The following PDE1C variants were observed in gnomAD, a reference collection of about 807,000 sequenced individuals.
PDE1C encodes phosphodiesterase 1C, also known as dual specificity calcium/calmodulin-dependent 3',5'-cyclic nucleotide phosphodiesterase 1C.
In PDE1C, 62 loss-of-function variants were observed where a neutral mutation model predicts 93.1. That is an observed-to-expected ratio of 0.67 (90% CI 0.54 to 0.82). PDE1C has a LOEUF of 0.82. Among genes scored for constraint, PDE1C ranks in the 40% least tolerant of loss-of-function variants. The pLI, the probability that PDE1C is intolerant of heterozygous loss-of-function variation, is 0.00. For missense variants in PDE1C, 742 were observed against 884.6 expected (o/e 0.84, Z 2.04); for synonymous variants, 325 against 310.1 (o/e 1.05, Z -0.50).
At chr7:31,870,267 GAAATA>G (rs1795778217) in intron 6 of PDE1C, among the ~76,000 whole-genome samples, 1 of 151,826 alleles carries the variant, frequency 6.6e-6, no homozygotes, top group African/African-American at 2.4e-5. Context: ...AGAATTAAAT[GAAATA>G]GAGACTAACA....
chr7:32,350,566 A>G lies in PDE1C; in HGVS notation c.310+77256T>C, dbSNP rs1230108384. On this transcript the variant is annotated intron_variant, in intron 1 of 1. Transcript: ENST00000672256. ...TTGACTAATATATATATATATATAT[A>G]TATATATATATATATATATATATAT... 6.8e-3 allele frequency among the ~76,000 whole-genome samples: 6 copies of G among 880 alleles called. 3 individuals are homozygous for G. Among genetic ancestry groups the G allele is most frequent in the Non-Finnish European group, 0.05 (2 of 40 alleles). 0.6% of individuals were successfully genotyped at this position (880 alleles called of 152,430 possible).
chr7:32,180,766 C>G (rs1263242909), intron 2 of PDE1C, among the ~76,000 whole-genome samples: 1 of 152,180 alleles, frequency 6.6e-6, no homozygotes, highest in East Asian at 1.9e-4. Context: ...ATACCTCTGG[C>G]ATTTGTGTTT....
At chr7:31,687,758 TA>T in the PDE1C span, among the ~76,000 whole-genome samples, 2 of 152,172 alleles carry the variant, frequency 1.3e-5, no homozygotes, top group Admixed American at 1.3e-4. Flanking sequence ...ATCCTCTGGT[TA>T]AAAAGAGGTT....
chr7:31,680,141 A>G, the PDE1C span, among the ~76,000 whole-genome samples: 1 of 152,204 alleles, frequency 6.6e-6, no homozygotes, highest in Non-Finnish European at 1.5e-5. Context: ...GACCAAATTA[A>G]TATTCAAGCA....
the PDE1C span, among the ~76,000 whole-genome samples, chr7:31,721,646 G>C: frequency 5.9e-5 from 9 of 152,160 alleles, no homozygotes; most frequent in African/African-American, 2.2e-4. Flanking sequence ...TAGGGTTTAG[G>C]AACTTCATGT....
intron 3 of PDE1C, among the ~76,000 whole-genome samples, chr7:32,157,695 C>G (rs891717282): frequency 1.3e-5 from 2 of 152,044 alleles, no homozygotes; most frequent in African/African-American, 4.8e-5. Flanking sequence ...TTAAGAGATA[C>G]AAGCTAAAGC....
At chr7:32,366,803 T>C (rs1179793484) in intron 1 of PDE1C, among the ~76,000 whole-genome samples, 1 of 151,384 alleles carries the variant, frequency 6.6e-6, no homozygotes, top group Non-Finnish European at 1.5e-5. Flanking sequence ...GTCAGGCAGA[T>C]CATGAGGTCA....
intron 2 of PDE1C, among the ~76,000 whole-genome samples, chr7:32,047,032 G>GGGGTGTGT (rs1792674792): frequency 1.3e-5 from 2 of 148,710 alleles, no homozygotes; most frequent in Non-Finnish European, 3.0e-5. Context: ...CTGAAATAGG[G>GGGGTGTGT]GTGTGTGTGT....
chr7:32,286,164 T>C (rs1811985490), intron 1 of PDE1C, among the ~76,000 whole-genome samples: 1 of 152,328 alleles, frequency 6.6e-6, no homozygotes, highest in African/African-American at 2.4e-5. Flanking sequence ...AGTTTCCCGC[T>C]TATAAAGTCA....
chr7:31,712,666 C>T, the PDE1C span, among the ~76,000 whole-genome samples: 2 of 152,146 alleles, frequency 1.3e-5, no homozygotes, highest in Admixed American at 1.3e-4. Context: ...TTTCATGCTG[C>T]TAATGAAGAC....
rs1584803718 is a variant in PDE1C at position 32,122,656 on chromosome 7, T to G, written c.308+47129A>C. ...ATTAAGGCAGAAATCAAGAAGTTCT[T>G]TGAAACCAATGAAAACAAATACACA... On this transcript the variant is annotated intron_variant, in intron 3 of 18. Coordinates refer to the PDE1C transcript ENST00000396193. 4.6e-5 allele frequency among the ~76,000 whole-genome samples: 7 copies of G among 152,282 alleles called. No individual in the cohort carries two copies. The South Asian group carries it at 1.5e-3, about 32-fold the overall frequency.
chr7:31,929,883 A>G (rs1803947789), intron 2 of PDE1C, among the ~76,000 whole-genome samples: 1 of 152,170 alleles, frequency 6.6e-6, no homozygotes, highest in Non-Finnish European at 1.5e-5. Context: ...AGAGCAAACA[A>G]ATTCAAAAGC....
intron 1 of PDE1C, among the ~76,000 whole-genome samples, chr7:32,308,056 A>T (rs1813061026): frequency 6.6e-6 from 1 of 152,256 alleles, no homozygotes; most frequent in African/African-American, 2.4e-5. Context: ...CAATGGGCTT[A>T]AAAGATGGCA....
At chr7:32,033,824 T>C (rs1382944939) in intron 2 of PDE1C, among the ~76,000 whole-genome samples, 3 of 152,202 alleles carry the variant, frequency 2.0e-5, no homozygotes, top group Admixed American at 6.5e-5. Flanking sequence ...CGTACTTATA[T>C]GCATTAATAT....
chr7:31,660,627 A>G, the PDE1C span, among the ~76,000 whole-genome samples: 1 of 152,058 alleles, frequency 6.6e-6, no homozygotes, highest in Non-Finnish European at 1.5e-5. Context: ...TTTTTTGAAG[A>G]ATTATTATTT....
chr7:31,664,942 C>T, the PDE1C span, among the ~76,000 whole-genome samples: 1 of 152,166 alleles, frequency 6.6e-6, no homozygotes, highest in African/African-American at 2.4e-5. Flanking sequence ...GGTACATTGG[C>T]CACCTACTTA....
At chr7:31,625,695 C>T in the PDE1C span, among the ~76,000 whole-genome samples, 190 of 151,956 alleles carry the variant, frequency 1.3e-3, 1 homozygote, top group African/African-American at 3.9e-3. Context: ...GTGGGTGCAG[C>T]GCACCAACAT....
At chr7:32,013,081 C>T (rs1787380729) in intron 2 of PDE1C, among the ~76,000 whole-genome samples, 2 of 152,134 alleles carry the variant, frequency 1.3e-5, no homozygotes, top group African/African-American at 4.8e-5. Context: ...ATTTTTAGAA[C>T]CTGAAAAGCT....
chr7:32,109,114 C>T lies in PDE1C; in HGVS notation c.308+60671G>A, dbSNP rs376846619. 7.9e-5 allele frequency among the ~76,000 whole-genome samples: 12 copies of T among 152,156 alleles called. 1 individual carries two copies. The highest frequency in any genetic ancestry group is 3.9e-4 in the East Asian group (2 of 5,194). ...TACTGAGGGCCCACCCTTCTCTGGA[C>T]ACAGCATGAGTCACTGAGGGTACAA... On this transcript the variant is annotated intron_variant, in intron 3 of 18. Transcript: ENST00000396193.
Sources: allele counts gnomAD v4.1 joint callset (sites outside exome capture counted in the v4.1 genomes callset), GRCh38; gene constraint gnomAD v4.1.1; transcripts MANE v1.5; gene names NCBI Gene and HGNC (gene_info 2026-07-23, HGNC 2026-07-21).